The following RPH3A variants were observed in gnomAD, a reference collection of about 807,000 sequenced individuals.
RPH3A encodes rabphilin-3A.
Under a neutral mutation model 102.2 loss-of-function variants are expected in RPH3A, and 48 were observed. The observed-to-expected ratio is 0.47, with a 90% CI of 0.37 to 0.60. The LOEUF (loss-of-function observed/expected upper bound fraction) is 0.60. Ranked by LOEUF, RPH3A falls within the 20% of genes least tolerant of loss-of-function variation. The pLI, the probability that RPH3A is intolerant of heterozygous loss-of-function variation, is 0.00. For missense variants in RPH3A, 781 were observed against 910.1 expected, an observed-to-expected ratio of 0.86 and a Z score of 1.83; for synonymous variants, 310 against 324.3, an observed-to-expected ratio of 0.96 and a Z score of 0.47.
At chr12:112,698,342 TAGAC>T (rs1225972545) in intron 1 of RPH3A, among the ~76,000 whole-genome samples, 4 of 152,176 alleles carry the variant, frequency 2.6e-5, no homozygotes, top group African/African-American at 9.6e-5. Flanking sequence ...GACCTTGAGT[TAGAC>T]AAAGATTTCT....
chr12:112,749,413 C>A (rs1427900549), intron 1 of RPH3A, among the ~76,000 whole-genome samples: 1 of 152,192 alleles, frequency 6.6e-6, no homozygotes, highest in African/African-American at 2.4e-5. Flanking sequence ...TCCCAGCTCT[C>A]ATCTGTAAAA....
At chr12:112,882,535 G>A (rs1481960485) in intron 15 of RPH3A, among the ~76,000 whole-genome samples, 1 of 152,200 alleles carries the variant, frequency 6.6e-6, no homozygotes, top group African/African-American at 2.4e-5. Flanking sequence ...TGCGCCATGA[G>A]ACAAAAGAGG....
chr12:112,872,589 A>G (rs1480913721), intron 10 of RPH3A, among the ~76,000 whole-genome samples: 2 of 151,854 alleles, frequency 1.3e-5, no homozygotes, highest in Non-Finnish European at 2.9e-5. Flanking sequence ...TTTCTTGCCT[A>G]TGTTTTTAGT....
At chr12:112,732,471 T>C (rs907760910) in intron 1 of RPH3A, among the ~76,000 whole-genome samples, 1 of 152,230 alleles carries the variant, frequency 6.6e-6, no homozygotes, top group African/African-American at 2.4e-5. Context: ...GATGAGTCCA[T>C]ACATGTGAAT....
chr12:112,853,760 A>G (rs1392761636), intron 5 of RPH3A, among the ~76,000 whole-genome samples: 1 of 152,086 alleles, frequency 6.6e-6, no homozygotes, highest in Non-Finnish European at 1.5e-5. Flanking sequence ...CTCAGGAAGC[A>G]GAGGTGACAG....
intron 15 of RPH3A, among the ~76,000 whole-genome samples, chr12:112,883,000 A>G (rs979622140): frequency 4.6e-5 from 7 of 152,142 alleles, no homozygotes; most frequent in Admixed American, 3.9e-4. Context: ...TGACCTATAA[A>G]TGATTTCTTC....
At chr12:112,857,831 T>C (rs1176739952) in intron 5 of RPH3A, among the ~76,000 whole-genome samples, 1 of 152,122 alleles carries the variant, frequency 6.6e-6, no homozygotes, top group Admixed American at 6.6e-5. Flanking sequence ...TGGACCAACC[T>C]TGTAGTTTCA....
chr12:112,768,887 G>A (rs1325096041), intron 1 of RPH3A, among the ~76,000 whole-genome samples: 1 of 152,134 alleles, frequency 6.6e-6, no homozygotes, highest in Non-Finnish European at 1.5e-5. Context: ...ACTCCAGCCT[G>A]GGTAACAAAG....
In RPH3A at chr12:112,826,202, G is replaced by A. The variant is rs553751719; in HGVS notation, c.-18-2099G>A. Among the ~76,000 whole-genome samples the A allele has an allele frequency of 1.1e-4, 16 of 152,292 alleles. No individual in the cohort carries two copies. The South Asian group carries it at 3.3e-3, about 32-fold the overall frequency. On this transcript the variant is annotated intron_variant, in intron 2 of 21. Transcript: ENST00000389385. ...ACGAAGGGATAGAGAGAGCCAGACA[G>A]GCATCTGCAAGAAGGCTTCCGGGCT...
At chr12:112,752,645 T>A (rs546030794) in intron 1 of RPH3A, among the ~76,000 whole-genome samples, 9 of 151,748 alleles carry the variant, frequency 5.9e-5, no homozygotes, top group Admixed American at 3.3e-4. Context: ...AAAATAATTT[T>A]AAAAAATTTG....
chr12:112,828,265 A>T, intron 2 of RPH3A, 36 bp from the exon 3 acceptor site: 1 of 1,428,484 alleles, frequency 7.0e-7, no homozygotes, highest in Non-Finnish European at 9.9e-7. Flanking sequence ...TGGCTGAATG[A>T]TGGGGTGATG....
intron 1 of RPH3A, among the ~76,000 whole-genome samples, chr12:112,621,676 C>A (rs1236701989): frequency 6.6e-6 from 1 of 151,930 alleles, no homozygotes; most frequent in Admixed American, 6.6e-5. Context: ...AACAAAGCAG[C>A]CAGGAAGCTC....
At chr12:112,737,228 T>C (rs2040676100) in intron 1 of RPH3A, among the ~76,000 whole-genome samples, 1 of 151,268 alleles carries the variant, frequency 6.6e-6, no homozygotes, top group Non-Finnish European at 1.5e-5. Context: ...TTAATAGATA[T>C]TATGCTAAGG....
At chr12:112,677,063 T>C (rs1239418017) in intron 1 of RPH3A, among the ~76,000 whole-genome samples, 1 of 152,156 alleles carries the variant, frequency 6.6e-6, no homozygotes, top group Non-Finnish European at 1.5e-5. Flanking sequence ...AGCTTCTTTA[T>C]GGATCTGTAA....
chr12:112,809,135 A>ACAG (rs1399098659), intron 2 of RPH3A, among the ~76,000 whole-genome samples: 5 of 152,146 alleles, frequency 3.3e-5, no homozygotes, highest in Non-Finnish European at 7.3e-5. Context: ...GCATCTGTAT[A>ACAG]ATGGACCCTA....
At chr12:112,815,029 C>T (rs138933319) in intron 2 of RPH3A, among the ~76,000 whole-genome samples, 17 of 152,264 alleles carry the variant, frequency 1.1e-4, no homozygotes, top group African/African-American at 2.9e-4. Flanking sequence ...GAGAAAGGGC[C>T]GGATGGAGAG....
chr12:112,829,587 GC>G (rs1358603930), intron 3 of RPH3A, among the ~76,000 whole-genome samples: 1 of 152,088 alleles, frequency 6.6e-6, no homozygotes, highest in African/African-American at 2.4e-5. Flanking sequence ...AGGCTTTTTA[GC>G]AAAAATTTTT....
At chr12:112,870,832 A>C (rs146675591) in intron 10 of RPH3A, among the ~76,000 whole-genome samples, 293 of 152,304 alleles carry the variant, frequency 1.9e-3, no homozygotes, top group Non-Finnish European at 2.7e-3. Context: ...CAATGAACCT[A>C]TGGTTCAGAT....
intron 1 of RPH3A, among the ~76,000 whole-genome samples, chr12:112,606,624 A>G (rs2039599153): frequency 6.6e-6 from 1 of 152,046 alleles, no homozygotes; most frequent in African/African-American, 2.4e-5. Context: ...CAAGTGGAGC[A>G]AATAGGCTTA....
Sources: allele counts gnomAD v4.1 joint callset (sites outside exome capture counted in the v4.1 genomes callset), GRCh38; gene constraint gnomAD v4.1.1; transcripts MANE v1.5; gene names NCBI Gene and HGNC (gene_info 2026-07-23, HGNC 2026-07-21).